LRP1B: variants seen among roughly 807,000 people sequenced by gnomAD.
LRP1B encodes the protein LDL receptor related protein 1B, also known as low-density lipoprotein receptor-related protein 1B.
Under a neutral mutation model 556.6 loss-of-function variants are expected in LRP1B, and 217 were observed. The ratio of observed to expected loss-of-function variants is 0.39; its 90% confidence interval spans 0.35 to 0.44. The LOEUF is 0.44. Ranked by LOEUF, LRP1B falls within the 20% of genes least tolerant of loss-of-function variation. The pLI is 1.00. For synonymous variants in LRP1B, 2,047 were observed against 1,865.8 expected, an observed-to-expected ratio of 1.10 and a Z score of -2.50; for missense variants, 5,053 against 5,620.8, an observed-to-expected ratio of 0.90 and a Z score of 3.23.
intron 1 of LRP1B, among the ~76,000 whole-genome samples, chr2:141,938,872 A>T (rs1431348500): frequency 1.3e-5 from 2 of 152,142 alleles, no homozygotes; most frequent in African/African-American, 4.8e-5. Context: ...GGAGGACATT[A>T]TGCTAAGTGA....
intron 11 of LRP1B, among the ~76,000 whole-genome samples, chr2:141,042,481 T>C (rs1384436412): frequency 2.6e-5 from 4 of 152,128 alleles, no homozygotes; most frequent in Admixed American, 1.3e-4. Context: ...TGAAGTTTCA[T>C]GTCTCCTGCC....
chr2:140,558,903 T>C (rs1463633152), intron 43 of LRP1B, among the ~76,000 whole-genome samples: 2 of 147,716 alleles, frequency 1.4e-5, no homozygotes, highest in East Asian at 4.0e-4. Flanking sequence ...ACCACTGCAC[T>C]CCAGCCTGGG....
rs1684153015 is a variant in LRP1B, at chr2:140,394,171, T to A, written c.10415-8162A>T. Among the ~76,000 whole-genome samples, 8 of 147,904 alleles carry A rather than the reference T, an allele frequency of 5.4e-5. No homozygotes were observed. In the South Asian group the frequency reaches 1.7e-3, roughly 32 times the overall value. On this transcript the variant is annotated intron_variant, in intron 66 of 90. Coordinates refer to ENST00000389484, the MANE Select transcript of LRP1B (RefSeq NM_018557.3). ...GGTGCATACGCACTTAGTAAATATATAACATTCTTATTGTTTTAATCAGCT... is the reference window on the plus strand; with the variant it reads ...GGTGCATACGCACTTAGTAAATATAAAACATTCTTATTGTTTTAATCAGCT...
rs11430740 is a variant in LRP1B, at chr2:140,369,663, T to TAA, written c.11008+1045_11008+1046dup. Among the ~76,000 whole-genome samples, 129 of 144,630 alleles carry TAA rather than the reference T, an allele frequency of 8.9e-4. 1 individual carries two copies. Among genetic ancestry groups the TAA allele is most frequent in the Middle Eastern group, 7.2e-3 (2 of 278 alleles). 94.9% of individuals were successfully genotyped at this position (144,630 alleles called of 152,430 possible). A position where few individuals can be genotyped will look rare whatever the true frequency, so the allele number is the denominator to read the frequency against. On this transcript the variant is annotated intron_variant, in intron 71 of 90. Coordinates refer to ENST00000389484, the MANE Select transcript of LRP1B (RefSeq NM_018557.3). ...GTTAACCCTGCTCTGCAAGGAGCTG[T>TAA]AAAAAAAAAAAACTATTTTTTTCTG...
chr2:140,405,197 C>G (rs929473881), intron 66 of LRP1B, among the ~76,000 whole-genome samples: 9 of 152,130 alleles, frequency 5.9e-5, no homozygotes, highest in African/African-American at 2.2e-4. Flanking sequence ...ATCAAAACCT[C>G]TAGGATATGG....
Position 141,471,842 on chromosome 2 carries a change from T to A in LRP1B, c.343+8554A>T, listed in dbSNP as rs112797746. ...ATTTCTATTGGCACATTTTAAAAAGTCTTTTTGGCCTCATACTCATTATAT... is the reference window on the plus strand; with the variant it reads ...ATTTCTATTGGCACATTTTAAAAAGACTTTTTGGCCTCATACTCATTATAT... On this transcript the variant is annotated intron_variant, in intron 3 of 90. Coordinates refer to ENST00000389484, the MANE Select transcript of LRP1B (RefSeq NM_018557.3). Among the ~76,000 whole-genome samples the A allele has an allele frequency of 3.7e-3, 569 of 152,330 alleles. 3 individuals are homozygous for A. The highest frequency in any genetic ancestry group is 0.013 in the African/African-American group (529 of 41,592).
At chr2:141,327,745 G>T (rs1687477407) in intron 3 of LRP1B, among the ~76,000 whole-genome samples, 1 of 152,072 alleles carries the variant, frequency 6.6e-6, no homozygotes, top group Admixed American at 6.6e-5. Flanking sequence ...TATATTGCTG[G>T]ACAGAGCAAT....
At chr2:140,425,316 T>A (rs956947708) in intron 66 of LRP1B, among the ~76,000 whole-genome samples, 1 of 152,200 alleles carries the variant, frequency 6.6e-6, no homozygotes, top group African/African-American at 2.4e-5. Flanking sequence ...TTACAATCTA[T>A]AATAGATCAA....
intron 63 of LRP1B, among the ~76,000 whole-genome samples, chr2:140,449,619 A>T (rs962427782): frequency 5.9e-5 from 9 of 152,168 alleles, no homozygotes; most frequent in African/African-American, 2.2e-4. Context: ...TATGTGAAAC[A>T]ACTTCAGTAT....
intron 32 of LRP1B, among the ~76,000 whole-genome samples, chr2:140,783,192 CTAA>C (rs1435728217): frequency 3.3e-5 from 5 of 151,882 alleles, no homozygotes; most frequent in Admixed American, 6.6e-5. Flanking sequence ...ATCATTAAAA[CTAA>C]TAACTTATTT....
At chr2:140,241,765 A>C (rs1680958720) in intron 87 of LRP1B, among the ~76,000 whole-genome samples, 1 of 150,910 alleles carries the variant, frequency 6.6e-6, no homozygotes. Flanking sequence ...GTATTTTTAA[A>C]ATTAACAGAT....
chr2:140,261,414 G>T (rs2104927030), intron 86 of LRP1B, among the ~76,000 whole-genome samples: 1 of 151,802 alleles, frequency 6.6e-6, no homozygotes, highest in Admixed American at 6.6e-5. Flanking sequence ...CTATAACATT[G>T]GATATAATAT....
In LRP1B at chr2:141,488,925, C is replaced by T. The variant is rs538307860; in HGVS notation, c.206-8392G>A. On this transcript the variant is annotated intron_variant, in intron 2 of 90. Coordinates refer to ENST00000389484, the MANE Select transcript of LRP1B (RefSeq NM_018557.3). ...GTTATACATGAAGATTTCTAACGTA[C>T]CATTAACCTGATTTTAAGTGTGTTC... Among the ~76,000 whole-genome samples, 16 of 151,552 alleles carry T rather than the reference C, an allele frequency of 1.1e-4. No homozygotes were observed. In the South Asian group the frequency reaches 3.3e-3, roughly 32 times the overall value.
chr2:141,547,114 C>T (rs1388542241), intron 2 of LRP1B, among the ~76,000 whole-genome samples: 1 of 152,114 alleles, frequency 6.6e-6, no homozygotes, highest in African/African-American at 2.4e-5. Flanking sequence ...CAGCGTAAAC[C>T]AAACGCATCT....
At chr2:140,370,052 G>A (rs1204895808) in intron 71 of LRP1B, among the ~76,000 whole-genome samples, 1 of 152,012 alleles carries the variant, frequency 6.6e-6, no homozygotes, top group Non-Finnish European at 1.5e-5. Flanking sequence ...CAATTGCTTT[G>A]CGAAATAACT....
At chr2:141,198,074 G>A (rs1681828889) in intron 6 of LRP1B, among the ~76,000 whole-genome samples, 1 of 152,068 alleles carries the variant, frequency 6.6e-6, no homozygotes, top group African/African-American at 2.4e-5. Flanking sequence ...CTCTTGAATG[G>A]TTTAAGTGGG....
At chr2:140,982,350 A>C (rs552770840) in intron 17 of LRP1B, 74 bp from the exon 18 acceptor site, 14 of 889,058 alleles carry the variant, frequency 1.6e-5, no homozygotes, top group Middle Eastern at 2.2e-4. Context: ...TTAAGCATGC[A>C]ATATTCCTTT....
chr2:141,789,229 G>A (rs1315577654), intron 2 of LRP1B, among the ~76,000 whole-genome samples: 1 of 151,830 alleles, frequency 6.6e-6, no homozygotes, highest in Non-Finnish European at 1.5e-5. Context: ...TTATAGGAGG[G>A]GGGTGTCCAG....
At chr2:141,809,807 T>C (rs1696278962) in intron 2 of LRP1B, among the ~76,000 whole-genome samples, 1 of 151,988 alleles carries the variant, frequency 6.6e-6, no homozygotes, top group South Asian at 2.1e-4. Context: ...GATATTAATA[T>C]AAATAACATG....
Sources: allele counts gnomAD v4.1 joint callset (sites outside exome capture counted in the v4.1 genomes callset), GRCh38; gene constraint gnomAD v4.1.1; transcripts MANE v1.5; gene names NCBI Gene and HGNC (gene_info 2026-07-23, HGNC 2026-07-21).